ARAP2: variants seen among roughly 807,000 people sequenced by gnomAD.
The protein encoded by ARAP2 is arf-GAP with Rho-GAP domain, ANK repeat and PH domain-containing protein 2.
A neutral mutation model predicts 194.5 loss-of-function variants in ARAP2; 148 were observed. The ratio of observed to expected loss-of-function variants is 0.76; its 90% CI spans 0.67 to 0.87. The LOEUF (loss-of-function observed/expected upper bound fraction) is 0.87. ARAP2 is among the 40% of genes least tolerant of loss of function. The pLI, the probability that ARAP2 is intolerant of heterozygous loss-of-function variation, is 0.00. For synonymous variants in ARAP2, 695 were observed against 683.5 expected (o/e 1.02, Z -0.26); for missense variants, 2,128 against 1,989.7 (o/e 1.07, Z -1.32).
In ARAP2 at chr4:36,073,736, G is replaced by T; in HGVS notation, c.4696C>A (p.Pro1566Thr). 1 of 1,613,232 alleles carries T rather than the reference G, an allele frequency of 6.2e-7. No individual in the cohort carries two copies. Among genetic ancestry groups the T allele is most frequent in the Middle Eastern group, 1.7e-4 (1 of 6,058 alleles). The change falls in exon 32 of 33, where the codon CCT becomes ACT. Residue 1566 changes from proline to threonine, a missense_variant. Pro to Thr is a conservative substitution (Grantham distance 38). Transcript: ENST00000303965. The stretch of plus-strand genomic sequence containing the variant: ...GTTGCATTCCCCTCATGCTGTATAG[G>T]AATCAGAGGCAAACCTCCAATTTTG... ...NPKIGGLPLI[P>T]IQHEGNATLA...
intron 19 of ARAP2, among the ~76,000 whole-genome samples, chr4:36,137,057 T>C (rs891866706): frequency 5.3e-5 from 8 of 151,884 alleles, no homozygotes; most frequent in African/African-American, 1.9e-4. Flanking sequence ...AAGATGAGCA[T>C]AGCATTTTAA....
chr4:36,111,692 A>T (rs1361008040), intron 26 of ARAP2, among the ~76,000 whole-genome samples: 1 of 152,038 alleles, frequency 6.6e-6, no homozygotes, highest in Non-Finnish European at 1.5e-5. Flanking sequence ...TCAAGTTTAT[A>T]ATTAGTCATT....
intron 2 of ARAP2, among the ~76,000 whole-genome samples, chr4:36,228,232 A>G (rs1270937229): frequency 1.3e-5 from 2 of 152,144 alleles, no homozygotes; most frequent in African/African-American, 4.8e-5. Context: ...CAAATCATCT[A>G]TTGGGGAGAG....
intron 9 of ARAP2, among the ~76,000 whole-genome samples, chr4:36,168,011 A>C (rs1349738069): frequency 6.6e-6 from 1 of 150,860 alleles, no homozygotes; most frequent in Non-Finnish European, 1.5e-5. Flanking sequence ...AAGGCAAAAT[A>C]CAAAAAAAAA....
intron 6 of ARAP2, among the ~76,000 whole-genome samples, chr4:36,017,423 A>T (rs1716026979): frequency 6.6e-6 from 1 of 151,756 alleles, no homozygotes; most frequent in South Asian, 2.1e-4. Flanking sequence ...TCAGGTCATG[A>T]TGAGAAACAG....
At chr4:36,152,416 T>C (rs1259497396) in intron 15 of ARAP2, among the ~76,000 whole-genome samples, 1 of 152,112 alleles carries the variant, frequency 6.6e-6, no homozygotes. Flanking sequence ...AAAATACGAA[T>C]CAAAGGGAGT....
intron 2 of ARAP2, among the ~76,000 whole-genome samples, chr4:36,218,320 G>T (rs1469902919): frequency 6.6e-6 from 1 of 152,144 alleles, no homozygotes; most frequent in Non-Finnish European, 1.5e-5. Flanking sequence ...CCTACTAGAA[G>T]TGGGGAAGTG....
At chr4:36,153,732 T>C (rs1369103223) in intron 15 of ARAP2, among the ~76,000 whole-genome samples, 1 of 152,216 alleles carries the variant, frequency 6.6e-6, no homozygotes, top group Admixed American at 6.5e-5. Context: ...AGCTACAGCC[T>C]ACAGGACAAC....
intron 6 of ARAP2, chr4:36,019,066 C>T (rs939420593): frequency 1.3e-5 from 2 of 149,466 alleles, no homozygotes; most frequent in Non-Finnish European, 2.9e-5. Context: ...TATGTCCTAA[C>T]TAATATAGAA....
At chr4:36,089,631 A>G (rs1712993702) in intron 28 of ARAP2, among the ~76,000 whole-genome samples, 1 of 152,140 alleles carries the variant, frequency 6.6e-6, no homozygotes, top group Admixed American at 6.6e-5. Flanking sequence ...TAGTCATACC[A>G]ATGAGTGTAA....
chr4:36,053,669 T>G (rs1723052075), intron 2 of ARAP2, among the ~76,000 whole-genome samples: 1 of 152,226 alleles, frequency 6.6e-6, no homozygotes, highest in Non-Finnish European at 1.5e-5. Flanking sequence ...CCTTGTAAAA[T>G]ATTTAAGCAC....
At chr4:36,018,045 A>C (rs79129770) in intron 6 of ARAP2, among the ~76,000 whole-genome samples, 2,761 of 152,282 alleles carry the variant, frequency 0.018, 95 homozygotes, top group African/African-American at 0.063. Context: ...ATGACATATG[A>C]AATGTATACA....
intron 28 of ARAP2, among the ~76,000 whole-genome samples, chr4:36,084,436 AT>A (rs1406976709): frequency 2.0e-5 from 3 of 152,070 alleles, no homozygotes; most frequent in African/African-American, 7.2e-5. Context: ...TTTGGGTCAG[AT>A]TTTGCCACCA....
intron 5 of ARAP2, among the ~76,000 whole-genome samples, chr4:36,028,316 A>G (rs1293173053): frequency 6.6e-6 from 1 of 152,136 alleles, no homozygotes; most frequent in East Asian, 1.9e-4. Flanking sequence ...GAAAGGAACT[A>G]AATATGGTGC....
chr4:36,029,457 C>G (rs1718544264), intron 5 of ARAP2, among the ~76,000 whole-genome samples: 1 of 152,076 alleles, frequency 6.6e-6, no homozygotes, highest in Non-Finnish European at 1.5e-5. Context: ...ACATTTGTCT[C>G]ATATTCATTT....
chr4:36,217,327 C>A (rs1397376583), intron 2 of ARAP2, among the ~76,000 whole-genome samples: 1 of 152,168 alleles, frequency 6.6e-6, no homozygotes, highest in Non-Finnish European at 1.5e-5. Context: ...GCCTGGCCAA[C>A]ATGGAGAAAC....
At chr4:36,023,446 T>C (rs1717357238) in intron 5 of ARAP2, among the ~76,000 whole-genome samples, 1 of 152,146 alleles carries the variant, frequency 6.6e-6, no homozygotes, top group African/African-American at 2.4e-5. Flanking sequence ...AACAGGGGGT[T>C]AATGCTCAGA....
At chr4:36,076,252 A>C (rs1728228375) in intron 31 of ARAP2, among the ~76,000 whole-genome samples, 1 of 152,104 alleles carries the variant, frequency 6.6e-6, no homozygotes, top group Non-Finnish European at 1.5e-5. Flanking sequence ...ATAATGAATA[A>C]CCATGCACTA....
Position 36,211,777 on chromosome 4 carries a change from A to G in ARAP2, c.1133+619T>C, listed in dbSNP as rs1246906871. ...CCGTTTTCCATGATGTGATTATATT[A>G]TGCTTATATCAAAATATGTTATGTA... is the stretch of plus-strand genomic sequence containing the variant. On this transcript the variant is annotated intron_variant, in intron 5 of 32. Transcript: ENST00000303965. Among the ~76,000 whole-genome samples the G allele has an allele frequency of 3.3e-5, 5 of 152,172 alleles. No individual in the cohort carries two copies. In the East Asian group the frequency reaches 9.6e-4, roughly 29 times the overall value.
Sources: allele counts gnomAD v4.1 joint callset (sites outside exome capture counted in the v4.1 genomes callset), GRCh38; gene constraint gnomAD v4.1.1; transcripts MANE v1.5; gene names NCBI Gene and HGNC (gene_info 2026-07-23, HGNC 2026-07-21).